The following GATM variants were observed in gnomAD, a reference collection of about 807,000 sequenced individuals.
The protein encoded by GATM is glycine amidinotransferase, mitochondrial.
A neutral mutation model predicts 54.2 loss-of-function variants in GATM; 23 were observed. The observed-to-expected ratio is 0.42, with a 90% CI of 0.31 to 0.60. The LOEUF (loss-of-function observed/expected upper bound fraction) is 0.60, where lower values mean the gene tolerates loss of function less well. Among genes scored for constraint, GATM ranks in the 20% least tolerant of loss-of-function variants. The probability of loss-of-function intolerance (pLI) is 0.14; values close to 1 mark genes in which losing one functional copy is unlikely to be tolerated. For missense variants in GATM, 401 were observed against 544.9 expected (o/e 0.74, Z 2.63); for synonymous variants, 168 against 183.1 (o/e 0.92, Z 0.67).
intron 2 of GATM, among the ~76,000 whole-genome samples, chr15:45,398,350 T>C (rs1889957828): frequency 6.6e-6 from 1 of 152,242 alleles, no homozygotes; most frequent in Non-Finnish European, 1.5e-5. Flanking sequence ...AATCAAGCAA[T>C]TTCCTGAAAA....
At chr15:45,375,513 G>A (rs1365508723) in intron 2 of GATM, among the ~76,000 whole-genome samples, 1 of 152,190 alleles carries the variant, frequency 6.6e-6, no homozygotes, top group African/African-American at 2.4e-5. Context: ...AAGAGACTTA[G>A]GTAGGGGCAA....
At chr15:45,396,869 CAAAAA>C (rs57667717) in intron 3 of GATM, 51 of 66,458 alleles carry the variant, frequency 7.7e-4, no homozygotes, top group East Asian at 2.6e-3. Flanking sequence ...GACTCCGTCT[CAAAAA>C]AAAAAAAAAA....
At chr15:45,398,066 T>C (rs1286337756) in intron 2 of GATM, among the ~76,000 whole-genome samples, 3 of 152,204 alleles carry the variant, frequency 2.0e-5, no homozygotes, top group Admixed American at 2.0e-4. Flanking sequence ...TTCAAAGCAA[T>C]TTTCATCACC....
intron 2 of GATM, among the ~76,000 whole-genome samples, chr15:45,372,934 T>C (rs1330849522): frequency 6.6e-6 from 1 of 152,238 alleles, no homozygotes; most frequent in Non-Finnish European, 1.5e-5. Flanking sequence ...ATGAACACTA[T>C]ATTAGACGCT....
At chr15:45,395,930 T>C (rs1889923639) in intron 3 of GATM, among the ~76,000 whole-genome samples, 1 of 152,244 alleles carries the variant, frequency 6.6e-6, no homozygotes, top group Non-Finnish European at 1.5e-5. Flanking sequence ...CATTCATTCA[T>C]TCAACATATC....
At chr15:45,375,124 G>A (rs1214049133) in intron 2 of GATM, among the ~76,000 whole-genome samples, 1 of 152,180 alleles carries the variant, frequency 6.6e-6, no homozygotes, top group African/African-American at 2.4e-5. Flanking sequence ...AGGCTGGAGT[G>A]TAATGGCGCC....
At position 45,363,005 on chromosome 15, in the gene GATM, G is replaced by A. The variant is rs530942188; in HGVS notation, c.1160-784C>T. Among the ~76,000 whole-genome samples the A allele has an allele frequency of 1.2e-3, 188 of 152,270 alleles. 7 individuals are homozygous for A. The South Asian group carries it at 0.037, about 30-fold the overall frequency. ...GCCATTCAGAAAGACTTTCCTAGTC[G>A]CGCATGGTAGCTCACACCCATAATC... On this transcript the variant is annotated intron_variant, in intron 8 of 8. Transcript: ENST00000396659.
intron 1 of GATM, chr15:45,401,916 T>A (rs1353033277): frequency 3.2e-5 from 5 of 155,040 alleles, no homozygotes; most frequent in African/African-American, 7.2e-5. Flanking sequence ...CCCAAGGCTG[T>A]ATTCTCAGTT....
intron 2 of GATM, among the ~76,000 whole-genome samples, chr15:45,372,336 C>G (rs936781571): frequency 6.6e-6 from 1 of 152,156 alleles, no homozygotes; most frequent in African/African-American, 2.4e-5. Flanking sequence ...AGCTCTTTTA[C>G]TAAGGTCTAT....
rs114512053 is a variant in GATM at position 45,366,661 on chromosome 15, C to T, written c.676-153G>A. ...AACATGCCTGGGAAAGAAGCGGGTC[C>T]ATGATAAATAAACCAAAACAACAAT... On this transcript the variant is annotated intron_variant, in intron 4 of 8. Coordinates refer to ENST00000396659, the MANE Select transcript of GATM (RefSeq NM_001482.3). Among the ~76,000 whole-genome samples, 642 of 152,254 alleles carry T rather than the reference C, an allele frequency of 4.2e-3. 4 individuals carry two copies. Among genetic ancestry groups the T allele is most frequent in the African/African-American group, 0.015 (627 of 41,532 alleles).
At chr15:45,377,479 C>A in intron 1 of GATM, 2 of 333,964 alleles carry the variant, frequency 6.0e-6, no homozygotes, top group Non-Finnish European at 1.2e-5. Context: ...TTAGCTCAGG[C>A]GTAAATTCAA....
chr15:45,383,083 A>G (rs987156500), upstream of GATM, among the ~76,000 whole-genome samples: 5 of 152,162 alleles, frequency 3.3e-5, no homozygotes, highest in South Asian at 1.0e-3. Flanking sequence ...TATCCCTAGC[A>G]CAGTGCCTGA....
chr15:45,377,350 C>G (rs1889656522), intron 1 of GATM: 10 of 424,038 alleles, frequency 2.4e-5, no homozygotes, highest in South Asian at 1.7e-4. Context: ...AGCTTCAAAT[C>G]AAATTTTTTT....
intron 2 of GATM, among the ~76,000 whole-genome samples, chr15:45,376,147 T>C (rs1474905881): frequency 6.6e-6 from 1 of 152,196 alleles, no homozygotes; most frequent in Non-Finnish European, 1.5e-5. Context: ...GGCTGGCAAC[T>C]GAACTCCAGA....
At chr15:45,390,974 T>C (rs992729049) in intron 3 of GATM, among the ~76,000 whole-genome samples, 1 of 152,234 alleles carries the variant, frequency 6.6e-6, no homozygotes, top group African/African-American at 2.4e-5. Context: ...GACCATTAAC[T>C]ACTTGGATAA....
At chr15:45,374,999 T>C (rs1224461665) in intron 2 of GATM, among the ~76,000 whole-genome samples, 1 of 152,238 alleles carries the variant, frequency 6.6e-6, no homozygotes, top group East Asian at 1.9e-4. Context: ...TTATGCAGTA[T>C]AGAACCTGAA....
upstream of GATM, among the ~76,000 whole-genome samples, chr15:45,383,098 G>T (rs1439341188): frequency 1.3e-5 from 2 of 152,206 alleles, no homozygotes; most frequent in East Asian, 3.8e-4. Context: ...GCCTGACACA[G>T]CCAGAGTCCT....
chr15:45,380,526 T>C (rs1049863575), upstream of GATM: 6 of 152,140 alleles, frequency 3.9e-5, no homozygotes, highest in African/African-American at 1.4e-4. Context: ...CTGATTCTCT[T>C]AGTGTACTGA....
upstream of GATM, chr15:45,379,653 A>C (rs1566843778): frequency 6.6e-6 from 1 of 152,316 alleles, no homozygotes; most frequent in Non-Finnish European, 1.5e-5. Context: ...CTGAGAGGCC[A>C]AAATGAGAGA....
Sources: allele counts gnomAD v4.1 joint callset (sites outside exome capture counted in the v4.1 genomes callset), GRCh38; gene constraint gnomAD v4.1.1; transcripts MANE v1.5; gene names NCBI Gene and HGNC (gene_info 2026-07-23, HGNC 2026-07-21).